CLDN14: variants seen among roughly 807,000 people sequenced by gnomAD.
CLDN14 encodes the protein claudin 14.
CLDN14 carries 2 observed loss-of-function variants against 2.1 expected under a neutral mutation model. That is an observed-to-expected ratio of 0.96 (90% confidence interval 0.39 to 3.01). The LOEUF (loss-of-function observed/expected upper bound fraction) is 3.01, where lower values mean the gene tolerates loss of function less well. Ranked by LOEUF, CLDN14 falls within the 30% of genes most tolerant of loss-of-function variation. The pLI, the probability that CLDN14 is intolerant of heterozygous loss-of-function variation, is 0.09. For missense variants in CLDN14, 298 were observed against 328.0 expected (o/e 0.91, Z 0.71); for synonymous variants, 136 against 154.4 (o/e 0.88, Z 0.88).
At chr21:36,486,725 T>C in intron 2 of CLDN14, 1 of 1,088,776 alleles carries the variant, frequency 9.2e-7, no homozygotes, top group Non-Finnish European at 1.4e-6. Flanking sequence ...TTTAGCCAGT[T>C]TCACCAGATC....
At chr21:36,507,704 C>T (rs2087145920) in intron 2 of CLDN14, among the ~76,000 whole-genome samples, 1 of 152,114 alleles carries the variant, frequency 6.6e-6, no homozygotes, top group African/African-American at 2.4e-5. Flanking sequence ...GCAGAGGTTG[C>T]AATGAGCTGA....
In CLDN14 at chr21:36,469,261, A is replaced by G. The variant is rs550147538; in HGVS notation, c.-81-7485T>C. On this transcript the variant is annotated intron_variant, in intron 1 of 1. Transcript: ENST00000399135. ...ACTTCATATTCATTTCACATGGGCT[A>G]TACTGTGGGGTGTTGGCTCTAAAAA... 3.9e-5 allele frequency among the ~76,000 whole-genome samples: 6 copies of G among 152,272 alleles called. No homozygotes were observed. The East Asian group carries it at 1.2e-3, about 29-fold the overall frequency.
intron 2 of CLDN14, among the ~76,000 whole-genome samples, chr21:36,507,760 T>C (rs1416064539): frequency 2.0e-5 from 3 of 152,028 alleles, no homozygotes; most frequent in Non-Finnish European, 4.4e-5. Flanking sequence ...TGAGACTCCA[T>C]CTCAAAAAAA....
intron 2 of CLDN14, among the ~76,000 whole-genome samples, chr21:36,507,789 C>T (rs1009333540): frequency 4.6e-5 from 7 of 152,084 alleles, no homozygotes; most frequent in Non-Finnish European, 7.4e-5. Context: ...TTGCCTGGCC[C>T]TGGTTCATAA....
At position 36,554,419 on chromosome 21, in the gene CLDN14, C is replaced by T. The variant is rs116489144; in HGVS notation, c.-220+21992G>A. Among the ~76,000 whole-genome samples the T allele has an allele frequency of 3.8e-3, 581 of 152,236 alleles. 6 individuals are homozygous for T. Among genetic ancestry groups the T allele is most frequent in the African/African-American group, 0.013 (554 of 41,534 alleles). Reference sequence around the variant, plus strand: ...CCACAACACAGGGTTACAGGTGCCCCGTGAGGAAAGCAGAGGCAGGTGCGT... The same window carrying T: ...CCACAACACAGGGTTACAGGTGCCCTGTGAGGAAAGCAGAGGCAGGTGCGT... On this transcript the variant is annotated intron_variant, in intron 1 of 2. Coordinates refer to the CLDN14 transcript ENST00000342108.
chr21:36,462,152 T>G (rs1415546158), intron 1 of CLDN14, among the ~76,000 whole-genome samples: 1 of 152,196 alleles, frequency 6.6e-6, no homozygotes, highest in Non-Finnish European at 1.5e-5. Flanking sequence ...CTGACAGTGC[T>G]AAGGTGTGTG....
In CLDN14 at chr21:36,555,015, C is replaced by T. The variant is rs950881093; in HGVS notation, c.-220+21396G>A. On this transcript the variant is annotated intron_variant, in intron 1 of 2. Transcript: ENST00000342108. ...AGGGTCCCCTGAGAGCAACAGCCAG[C>T]CCCAGCCTCCCTGGCATTCCTGAAA... Among the ~76,000 whole-genome samples, 3 of 152,254 alleles carry T rather than the reference C, an allele frequency of 2.0e-5. No homozygotes were observed. In the East Asian group the frequency reaches 5.8e-4, roughly 29 times the overall value.
Position 36,498,092 on chromosome 21 carries a change from C to T in CLDN14, c.-82+12271G>A, listed in dbSNP as rs374646008. Among the ~76,000 whole-genome samples, 25 of 152,136 alleles carry T rather than the reference C, an allele frequency of 1.6e-4. No homozygotes were observed. Among genetic ancestry groups the T allele is most frequent in the Admixed American group, 7.2e-4 (11 of 15,272 alleles). ...TTGGCTCACTGCAACCTCCACCGCC[C>T]GGGGTTCAAGCGATTCTCCTGTCTC... is the stretch of plus-strand genomic sequence containing the variant. On this transcript the variant is annotated intron_variant, in intron 2 of 2. Transcript: ENST00000342108. This position sits in a 1 kb window ranked among gnomAD's most constrained non-coding sequence, Gnocchi z 4.9.
chr21:36,513,446 A>G (rs2087200787), intron 1 of CLDN14, among the ~76,000 whole-genome samples: 1 of 152,202 alleles, frequency 6.6e-6, no homozygotes, highest in Non-Finnish European at 1.5e-5. Flanking sequence ...GAATCAACCT[A>G]CCCTGGAGCT....
At chr21:36,483,529 G>A (rs1249345458), upstream of CLDN14, among the ~76,000 whole-genome samples, 1 of 152,216 alleles carries the variant, frequency 6.6e-6, no homozygotes, top group African/African-American at 2.4e-5. Context: ...GCACAAGGCA[G>A]CTGCTGAGGC....
At chr21:36,573,970 T>G (rs943436025) in intron 1 of CLDN14, among the ~76,000 whole-genome samples, 2 of 152,156 alleles carry the variant, frequency 1.3e-5, no homozygotes, top group African/African-American at 4.8e-5. Flanking sequence ...CTTAATATTG[T>G]TAAGATGTCT....
chr21:36,497,418 G>A (rs868035648), intron 2 of CLDN14, among the ~76,000 whole-genome samples: 6 of 133,166 alleles, frequency 4.5e-5, no homozygotes, highest in Admixed American at 1.5e-4. Context: ...AGGGAGGAAG[G>A]GAGGGAGGCA....
chr21:36,519,733 C>A (rs2012665), intron 1 of CLDN14, among the ~76,000 whole-genome samples: 10,534 of 150,654 alleles, frequency 0.07, 1,040 homozygotes, highest in African/African-American at 0.21. Context: ...ACAACAACAA[C>A]AAAACCCCAA....
intron 1 of CLDN14, among the ~76,000 whole-genome samples, chr21:36,548,126 C>T (rs1293459158): frequency 1.3e-5 from 2 of 152,078 alleles, no homozygotes; most frequent in Non-Finnish European, 2.9e-5. Flanking sequence ...GTTCCTTCCA[C>T]CAGGCACACC....
In CLDN14 at chr21:36,461,605, G is replaced by A. The variant is rs757426764; in HGVS notation, c.91C>T (p.Arg31Trp). ...TLITTILPHWRRTAHVGTNIL... is the reference protein window; with the variant it reads ...TLITTILPHWWRTAHVGTNIL... ...TTGGTGCCCACGTGCGCTGTCCTCC[G>A]CCAGTGCGGCAGGATGGTGGTGATC... The change falls in exon 2 of 2, where the codon CGG (arginine) becomes TGG (tryptophan). Residue 31 changes from arginine (R) to tryptophan (W), a missense_variant. Coordinates refer to ENST00000399135, the MANE Select transcript of CLDN14 (RefSeq NM_001146079.2). 2.1e-5 allele frequency: 34 copies of A among 1,605,466 alleles called. No individual in the cohort carries two copies. Among genetic ancestry groups the A allele is most frequent in the African/African-American group, 8.0e-5 (6 of 74,830 alleles).
At chr21:36,474,549 T>G (rs2086750271) in intron 1 of CLDN14, among the ~76,000 whole-genome samples, 1 of 152,212 alleles carries the variant, frequency 6.6e-6, no homozygotes, top group Non-Finnish European at 1.5e-5. Context: ...TTAAAAGTAT[T>G]GTGCTGAGAA....
intron 1 of CLDN14, among the ~76,000 whole-genome samples, chr21:36,546,030 C>G (rs1232804933): frequency 6.6e-6 from 1 of 152,212 alleles, no homozygotes; most frequent in African/African-American, 2.4e-5. Flanking sequence ...GAAACAGAGA[C>G]TGTAACCTGG....
intron 1 of CLDN14, among the ~76,000 whole-genome samples, chr21:36,567,868 A>G (rs1003883169): frequency 2.6e-5 from 4 of 152,154 alleles, no homozygotes; most frequent in African/African-American, 9.7e-5. Flanking sequence ...ATTTGTTTCA[A>G]TCAAAGGGCT....
chr21:36,570,935 C>T (rs993287328), intron 1 of CLDN14, among the ~76,000 whole-genome samples: 26 of 152,130 alleles, frequency 1.7e-4, no homozygotes, highest in Non-Finnish European at 1.2e-4. Flanking sequence ...TCTGCCTCCC[C>T]GGTTCCAGCA....
Sources: allele counts gnomAD v4.1 joint callset (sites outside exome capture counted in the v4.1 genomes callset), GRCh38; gene constraint gnomAD v4.1.1; non-coding constraint Gnocchi (gnomAD v3.1); transcripts MANE v1.5; gene names NCBI Gene and HGNC (gene_info 2026-07-23, HGNC 2026-07-21).